Variants in CCDC73 observed in about 807,000 individuals in gnomAD.
CCDC73 encodes the protein coiled-coil domain containing 73.
A neutral mutation model predicts 116.5 loss-of-function variants in CCDC73; 95 were observed. The observed-to-expected ratio is 0.82, with a 90% CI of 0.69 to 0.97. The LOEUF (loss-of-function observed/expected upper bound fraction) is 0.97. CCDC73 is among the 50% of genes least tolerant of loss of function. The pLI, the probability that CCDC73 is intolerant of heterozygous loss-of-function variation, is 0.00. For missense variants in CCDC73, 1,066 were observed against 1,206.8 expected, an observed-to-expected ratio of 0.88 and a Z score of 1.73; for synonymous variants, 398 against 401.3, an observed-to-expected ratio of 0.99 and a Z score of 0.10.
intron 14 of CCDC73, among the ~76,000 whole-genome samples, chr11:32,620,735 A>G (rs1855516523): frequency 6.6e-6 from 1 of 152,112 alleles, no homozygotes; most frequent in Non-Finnish European, 1.5e-5. Context: ...GCAATGAGTA[A>G]CAGGAGGTGG....
At chr11:32,642,503 C>T (rs1020191463) in intron 12 of CCDC73, among the ~76,000 whole-genome samples, 2 of 151,928 alleles carry the variant, frequency 1.3e-5, no homozygotes, top group African/African-American at 4.8e-5. Context: ...CTCTTAAATA[C>T]AATTTTAATT....
At chr11:32,647,386 A>G (rs1203697243) in intron 12 of CCDC73, among the ~76,000 whole-genome samples, 5 of 152,168 alleles carry the variant, frequency 3.3e-5, no homozygotes, top group African/African-American at 1.2e-4. Flanking sequence ...GCCATAAGGA[A>G]TCTGCCCCCG....
chr11:32,673,500 C>A (rs890006959), intron 9 of CCDC73, among the ~76,000 whole-genome samples: 6 of 152,006 alleles, frequency 3.9e-5, no homozygotes, highest in African/African-American at 1.5e-4. Flanking sequence ...GATCCTTTAG[C>A]GTCAAGATGA....
chr11:32,748,978 C>A (rs1850264033), intron 2 of CCDC73, among the ~76,000 whole-genome samples: 1 of 152,066 alleles, frequency 6.6e-6, no homozygotes, highest in Non-Finnish European at 1.5e-5. Flanking sequence ...CTTTCTTTAT[C>A]CTTGACCTTT....
At chr11:32,757,414 C>T (rs1248901462) in intron 2 of CCDC73, among the ~76,000 whole-genome samples, 1 of 151,910 alleles carries the variant, frequency 6.6e-6, no homozygotes, top group East Asian at 1.9e-4. Context: ...GGAAATGAAT[C>T]CCAAAAATAA....
intron 2 of CCDC73, among the ~76,000 whole-genome samples, chr11:32,734,425 C>CTTTTTTTTTT (rs34093038): frequency 3.8e-5 from 5 of 131,360 alleles, no homozygotes; most frequent in African/African-American, 5.5e-5. Flanking sequence ...ATTTTTTTTT[C>CTTTTTTTTTT]TTTTTTTTTT....
chr11:32,712,788 C>CTG (rs3078306), intron 3 of CCDC73, among the ~76,000 whole-genome samples: 114,090 of 151,326 alleles, frequency 0.75, 43,131 homozygotes, highest in East Asian at 0.93. Flanking sequence ...TATATATACA[C>CTG]TTCATTTTAT....
chr11:32,783,100 C>A (rs1850597294), intron 1 of CCDC73, among the ~76,000 whole-genome samples: 1 of 151,524 alleles, frequency 6.6e-6, no homozygotes, highest in African/African-American at 2.4e-5. Context: ...AGCACCAAGA[C>A]ACATCATTGG....
Position 32,614,734 on chromosome 11 carries a change from A to G in CCDC73, c.1584T>C (p.Cys528=). 1 of 1,612,478 alleles carries G rather than the reference A, an allele frequency of 6.2e-7. No homozygotes were observed. The highest frequency in any genetic ancestry group is 8.5e-7 in the Non-Finnish European group (1 of 1,179,024). Residue 528 remains cysteine, a synonymous_variant, in exon 16 of 18, where the codon TGT becomes TGC. Transcript: ENST00000335185. ...GATTATTTGGTGATTTAAATTCTGTACATCCATTGTCTTTTTCCAAGCATA... is the reference window on the plus strand; with the variant it reads ...GATTATTTGGTGATTTAAATTCTGTGCATCCATTGTCTTTTTCCAAGCATA... ...DKICLEKDNG[C]TEFKSPNNHF...
intron 9 of CCDC73, 117 bp from the exon 10 acceptor site, chr11:32,655,089 C>CTTATAT: frequency 1.3e-6 from 1 of 763,296 alleles, no homozygotes; most frequent in South Asian, 2.2e-5. Flanking sequence ...TGTTATAATT[C>CTTATAT]CCTTGCAAGT....
chr11:32,830,358 C>A, the CCDC73 span: 2 of 819,364 alleles, frequency 2.4e-6, no homozygotes, highest in Non-Finnish European at 3.4e-6. Context: ...GCTTCCTGGG[C>A]GCGCGTCGGG....
At chr11:32,747,730 G>A (rs994420629) in intron 2 of CCDC73, among the ~76,000 whole-genome samples, 1 of 152,196 alleles carries the variant, frequency 6.6e-6, no homozygotes, top group Non-Finnish European at 1.5e-5. Flanking sequence ...AGCAAGCAAG[G>A]CTCCATGGGC....
At chr11:32,820,238 C>T in the CCDC73 span, among the ~76,000 whole-genome samples, 3 of 152,142 alleles carry the variant, frequency 2.0e-5, no homozygotes, top group South Asian at 2.1e-4. Context: ...ACTGCAGCCT[C>T]GATCTCCCAG....
intron 9 of CCDC73, among the ~76,000 whole-genome samples, chr11:32,664,687 C>T (rs763822897): frequency 1.3e-5 from 2 of 152,048 alleles, no homozygotes; most frequent in Admixed American, 1.3e-4. Flanking sequence ...ATTTCTGCTA[C>T]AATCTTAGTT....
At chr11:32,694,485 AC>A (rs1856290861) in intron 6 of CCDC73, among the ~76,000 whole-genome samples, 1 of 152,150 alleles carries the variant, frequency 6.6e-6, no homozygotes, top group Admixed American at 6.6e-5. Flanking sequence ...TAGGAGAAAT[AC>A]CCAATTTACA....
intron 7 of CCDC73, chr11:32,682,111 C>T (rs1856150854): frequency 6.6e-6 from 1 of 151,338 alleles, no homozygotes; most frequent in South Asian, 2.1e-4. Context: ...TACATGTTTC[C>T]ATGTTTTTTT....
intron 2 of CCDC73, among the ~76,000 whole-genome samples, chr11:32,750,959 C>T (rs1850282951): frequency 6.6e-6 from 1 of 152,142 alleles, no homozygotes; most frequent in African/African-American, 2.4e-5. Flanking sequence ...CACCCAAGGC[C>T]CACAGCATGT....
At chr11:32,764,680 C>T (rs1280670488) in intron 1 of CCDC73, among the ~76,000 whole-genome samples, 2 of 152,114 alleles carry the variant, frequency 1.3e-5, no homozygotes, top group African/African-American at 2.4e-5. Context: ...TAAAGACCAT[C>T]GATGCTAGGA....
the CCDC73 span, among the ~76,000 whole-genome samples, chr11:32,818,988 G>A: frequency 2.6e-5 from 4 of 152,072 alleles, no homozygotes; most frequent in Admixed American, 2.6e-4. Context: ...ATTAGATAGC[G>A]GTGTTGGTTG....
Sources: allele counts gnomAD v4.1 joint callset (sites outside exome capture counted in the v4.1 genomes callset), GRCh38; gene constraint gnomAD v4.1.1; transcripts MANE v1.5; gene names NCBI Gene and HGNC (gene_info 2026-07-23, HGNC 2026-07-21).